The following ZNF577 variants were observed in gnomAD, a reference collection of about 807,000 sequenced individuals.
ZNF577 encodes the protein zinc finger protein 577.
Under a neutral mutation model 13.9 loss-of-function variants are expected in ZNF577, and 14 were observed. The observed-to-expected ratio is 1.00, with a 90% CI of 0.66 to 1.57. The LOEUF (loss-of-function observed/expected upper bound fraction) is 1.57. Among genes scored for constraint, ZNF577 ranks in the 40% most tolerant of loss-of-function variants. The probability of loss-of-function intolerance (pLI) is 0.00; values close to 1 mark genes in which losing one functional copy is unlikely to be tolerated. For synonymous variants in ZNF577, 203 were observed against 202.9 expected (o/e 1.00, Z 0.00); for missense variants, 555 against 579.2 (o/e 0.96, Z 0.43).
intron 5 of ZNF577, among the ~76,000 whole-genome samples, chr19:51,849,717 C>G (rs796270294): frequency 2.0e-5 from 3 of 152,296 alleles, no homozygotes; most frequent in African/African-American, 7.2e-5. Flanking sequence ...ACCACTTCTT[C>G]GAAAAAGTTT....
At chr19:51,817,532 T>A (rs1248014562) in intron 9 of ZNF577, among the ~76,000 whole-genome samples, 1 of 152,006 alleles carries the variant, frequency 6.6e-6, no homozygotes, top group Non-Finnish European at 1.5e-5. Flanking sequence ...TTTTTTAAAT[T>A]ATTGTTTCCC....
chr19:51,855,901 T>C (rs1198816422), intron 5 of ZNF577: 1 of 152,150 alleles, frequency 6.6e-6, no homozygotes, highest in African/African-American at 2.4e-5. Flanking sequence ...AGGGTGGTGG[T>C]TGAAGGCTGA....
In ZNF577 at chr19:51,872,594, C is replaced by A; in HGVS notation, c.1396G>T (p.Val466Leu). The A allele has an allele frequency of 6.2e-7, 1 of 1,613,676 alleles. No homozygotes were observed. Among genetic ancestry groups the A allele is most frequent in the Non-Finnish European group, 8.5e-7 (1 of 1,179,830 alleles). The change falls in exon 6 of 6, where the codon GTG becomes TTG. Residue 466 changes from valine (V) to leucine (L), a missense_variant. Transcript: ENST00000638348. The stretch of plus-strand genomic sequence containing the variant: ...TTTATTACTGATGGGGCCACATTCA[C>A]TTCATTTGTGAGGCTTATTCTCTGT... The part of the protein sequence containing the change: ...FEQRISLTNE[V>L]NVAPSVINYI...
At chr19:51,848,417 G>A (rs1344848332) in intron 5 of ZNF577, among the ~76,000 whole-genome samples, 2 of 152,174 alleles carry the variant, frequency 1.3e-5, no homozygotes, top group African/African-American at 4.8e-5. Context: ...ATCACTATGT[G>A]GAAGAGGTAT....
intron 9 of ZNF577, among the ~76,000 whole-genome samples, chr19:51,818,179 C>T (rs537080878): frequency 6.6e-6 from 1 of 152,248 alleles, no homozygotes; most frequent in Non-Finnish European, 1.5e-5. Flanking sequence ...ATATAAAATG[C>T]ATCTCATGTC....
At chr19:51,866,231 G>A (rs1265697013), downstream of ZNF577, among the ~76,000 whole-genome samples, 1 of 151,940 alleles carries the variant, frequency 6.6e-6, no homozygotes, top group Non-Finnish European at 1.5e-5. Context: ...GAACAGCACA[G>A]AAATGTTTCT....
chr19:51,885,483 C>T (rs1487108932), intron 1 of ZNF577, among the ~76,000 whole-genome samples: 1 of 152,088 alleles, frequency 6.6e-6, no homozygotes, highest in Non-Finnish European at 1.5e-5. Context: ...ATACTCCATT[C>T]CTCTATACTT....
intron 5 of ZNF577, among the ~76,000 whole-genome samples, chr19:51,852,933 C>CTTTTTTTTTTT (rs112665914): frequency 6.9e-6 from 1 of 144,020 alleles, no homozygotes; most frequent in Non-Finnish European, 1.5e-5. Flanking sequence ...GTTTTCTTTT[C>CTTTTTTTTTTT]TTTTTTTTTT....
intron 1 of ZNF577, chr19:51,886,116 C>A: frequency 6.6e-6 from 1 of 151,730 alleles, no homozygotes; most frequent in African/African-American, 2.4e-5. Context: ...TAATAATTAC[C>A]TTTGGAGAGG....
chr19:51,885,881 G>A (rs1354669554), intron 1 of ZNF577, among the ~76,000 whole-genome samples: 1 of 152,122 alleles, frequency 6.6e-6, no homozygotes, highest in Non-Finnish European at 1.5e-5. Context: ...ACTCCCATAA[G>A]CCATAACAAT....
chr19:51,830,792 C>A (rs1440150905), intron 9 of ZNF577, among the ~76,000 whole-genome samples: 1 of 151,974 alleles, frequency 6.6e-6, no homozygotes, highest in Non-Finnish European at 1.5e-5. Context: ...AATTCTAGAC[C>A]CCCCTCATCT....
chr19:51,847,986 A>G (rs2084362039), intron 5 of ZNF577, among the ~76,000 whole-genome samples: 1 of 152,176 alleles, frequency 6.6e-6, no homozygotes, highest in South Asian at 2.1e-4. Flanking sequence ...GCTCAGCAAT[A>G]TGGTCGCGCC....
At chr19:51,857,811 C>T (rs1216136972) in intron 5 of ZNF577, among the ~76,000 whole-genome samples, 1 of 152,136 alleles carries the variant, frequency 6.6e-6, no homozygotes, top group Non-Finnish European at 1.5e-5. Context: ...CCTATTATCT[C>T]ATGTGCTGCT....
chr19:51,837,086 A>AAGGAATGT (rs1469572317), intron 9 of ZNF577, among the ~76,000 whole-genome samples: 1 of 151,946 alleles, frequency 6.6e-6, no homozygotes, highest in African/African-American at 2.4e-5. Flanking sequence ...ATTATCTGAA[A>AAGGAATGT]AGGAATGTGA....
chr19:51,864,103 G>A (rs1007551209), downstream of ZNF577, among the ~76,000 whole-genome samples: 3 of 152,140 alleles, frequency 2.0e-5, no homozygotes, highest in African/African-American at 2.4e-5. Context: ...ATGTTTATCA[G>A]TAATTAACAC....
Position 51,844,072 on chromosome 19 carries a change from T to A in ZNF577, c.*154+686A>T, listed in dbSNP as rs10153495. Among the ~76,000 whole-genome samples the A allele has an allele frequency of 6.9e-3, 956 of 138,428 alleles. 11 individuals are homozygous for A. The highest frequency in any genetic ancestry group is 0.024 in the African/African-American group (914 of 37,910). The allele number at this position is 138,428 out of a possible 152,430, so 90.8% of individuals were successfully genotyped here. A position where few individuals can be genotyped will look rare whatever the true frequency, so the allele number is the denominator to read the frequency against. On this transcript the variant is annotated intron_variant and NMD_transcript_variant, in intron 6 of 10. Coordinates refer to the ZNF577 transcript ENST00000638827. ...ACACTTTTTTTTTTTTTTTTTTTTT[T>A]ACATAAGTAAGTTACGGTCAGAATT...
At chr19:51,835,649 T>C (rs2084284046) in intron 9 of ZNF577, among the ~76,000 whole-genome samples, 1 of 152,196 alleles carries the variant, frequency 6.6e-6, no homozygotes, top group Non-Finnish European at 1.5e-5. Flanking sequence ...TTAACCAATA[T>C]TTCAGAAAAG....
Position 51,870,576 on chromosome 19 carries a change from G to T in ZNF577, c.*1956C>A, listed in dbSNP as rs57966386. 0.029 allele frequency among the ~76,000 whole-genome samples: 4,481 copies of T among 151,982 alleles called. 209 individuals are homozygous for T. Among genetic ancestry groups the T allele is most frequent in the African/African-American group, 0.1 (4,253 of 41,344 alleles). Reference sequence around the variant, plus strand: ...TTGTGTGTAATCCAAGGATTTTTCTGCGTGTTCATTTCTTCCTGTTCTTCC... The same window carrying T: ...TTGTGTGTAATCCAAGGATTTTTCTTCGTGTTCATTTCTTCCTGTTCTTCC... On this transcript the variant is annotated 3_prime_UTR_variant, in exon 6 of 6. Coordinates refer to ENST00000638348, the MANE Select transcript of ZNF577 (RefSeq NM_001370449.1).
chr19:51,864,627 C>T (rs2084539493), downstream of ZNF577, among the ~76,000 whole-genome samples: 1 of 152,066 alleles, frequency 6.6e-6, no homozygotes, highest in South Asian at 2.1e-4. Flanking sequence ...GCTAAATGGA[C>T]TGGATTTGTG....
Sources: gnomAD v4.1 joint callset for allele counts (sites outside exome capture counted in the v4.1 genomes callset) on GRCh38, gnomAD v4.1.1 for gene constraint, MANE v1.5 for transcripts, NCBI Gene and HGNC (gene_info 2026-07-23, HGNC 2026-07-21) for gene names.